The following L3MBTL4 variants were observed in gnomAD, a reference collection of about 807,000 sequenced individuals.
L3MBTL4 encodes the protein L3MBTL histone methyl-lysine binding protein 4, also known as lethal(3)malignant brain tumor-like protein 4.
Under a neutral mutation model 84.5 loss-of-function variants are expected in L3MBTL4, and 70 were observed. The observed-to-expected ratio is 0.83, with a 90% CI of 0.68 to 1.01. The LOEUF is 1.01. Among genes scored for constraint, L3MBTL4 ranks in the 50% least tolerant of loss-of-function variants. The probability of loss-of-function intolerance (pLI) is 0.00; values close to 1 mark genes in which losing one functional copy is unlikely to be tolerated. For missense variants in L3MBTL4, 715 were observed against 754.8 expected (o/e 0.95, Z 0.62); for synonymous variants, 274 against 259.8 (o/e 1.05, Z -0.52).
chr18:6,033,014 T>C (rs573875634), intron 16 of L3MBTL4, among the ~76,000 whole-genome samples: 198 of 152,338 alleles, frequency 1.3e-3, no homozygotes, highest in Middle Eastern at 3.4e-3. Flanking sequence ...GGTAGTGTCC[T>C]GTATGTATCG....
intron 16 of L3MBTL4, among the ~76,000 whole-genome samples, chr18:6,000,147 C>A (rs761766106): frequency 4.7e-4 from 72 of 152,052 alleles, no homozygotes; most frequent in Admixed American, 4.7e-3. Context: ...TATAAAGATG[C>A]CATGAGAAAA....
chr18:6,370,163 T>G (rs1405335279), intron 1 of L3MBTL4, among the ~76,000 whole-genome samples: 1 of 148,894 alleles, frequency 6.7e-6, no homozygotes, highest in South Asian at 2.1e-4. Context: ...AAGAAAGCAC[T>G]GACCTGGCTT....
intron 16 of L3MBTL4, among the ~76,000 whole-genome samples, chr18:6,078,348 A>G (rs905004720): frequency 2.1e-5 from 3 of 145,914 alleles, no homozygotes; most frequent in Non-Finnish European, 4.5e-5. Context: ...AATCACTTGA[A>G]CCCAGGAAGT....
At chr18:6,067,893 G>A (rs952996405) in intron 16 of L3MBTL4, among the ~76,000 whole-genome samples, 5 of 151,990 alleles carry the variant, frequency 3.3e-5, no homozygotes, top group Non-Finnish European at 5.9e-5. Context: ...TACTTTTCTG[G>A]TTTCTTCTTA....
chr18:6,304,354 C>T (rs934436571), intron 3 of L3MBTL4, among the ~76,000 whole-genome samples: 4 of 152,188 alleles, frequency 2.6e-5, no homozygotes, highest in African/African-American at 9.6e-5. Flanking sequence ...TGCTTTTCTG[C>T]CTGGTAGATT....
chr18:6,122,393 G>A (rs1237638902), intron 14 of L3MBTL4, among the ~76,000 whole-genome samples: 3 of 152,198 alleles, frequency 2.0e-5, no homozygotes, highest in African/African-American at 7.2e-5. Context: ...ATTCCCACAT[G>A]TTGTGGGAGG....
At chr18:5,974,610 G>C (rs766175672) in intron 16 of L3MBTL4, among the ~76,000 whole-genome samples, 2 of 152,130 alleles carry the variant, frequency 1.3e-5, no homozygotes, top group Non-Finnish European at 2.9e-5. Context: ...CCAGTGAAAC[G>C]ACCAAACAGA....
intron 5 of L3MBTL4, among the ~76,000 whole-genome samples, chr18:6,255,171 AAAC>A: frequency 6.6e-6 from 1 of 152,358 alleles, no homozygotes; most frequent in East Asian, 1.9e-4. Context: ...TCCTTTAACT[AAAC>A]AAGAAGTCGT....
At chr18:6,171,240 G>A (rs1290422384) in intron 13 of L3MBTL4, among the ~76,000 whole-genome samples, 1 of 152,190 alleles carries the variant, frequency 6.6e-6, no homozygotes, top group Non-Finnish European at 1.5e-5. Context: ...TATTAGTCAT[G>A]TCAGCCTAAT....
At chr18:6,119,144 G>C (rs2059450780) in intron 14 of L3MBTL4, among the ~76,000 whole-genome samples, 1 of 151,934 alleles carries the variant, frequency 6.6e-6, no homozygotes, top group Admixed American at 6.6e-5. Flanking sequence ...ATCATACCAA[G>C]TTACAGGTAG....
chr18:6,211,419 T>C (rs1424838177), intron 12 of L3MBTL4, among the ~76,000 whole-genome samples: 1 of 152,068 alleles, frequency 6.6e-6, no homozygotes, highest in African/African-American at 2.4e-5. Flanking sequence ...AATTAGAGAA[T>C]AACAGAACAA....
At chr18:6,242,265 C>T (rs184241576) in intron 7 of L3MBTL4, among the ~76,000 whole-genome samples, 45 of 152,294 alleles carry the variant, frequency 3.0e-4, no homozygotes, top group African/African-American at 1.1e-3. Flanking sequence ...CTGTTCTTCC[C>T]TTGGAGGGCT....
chr18:6,178,118 A>T (rs2145302063), intron 12 of L3MBTL4, among the ~76,000 whole-genome samples: 1 of 151,874 alleles, frequency 6.6e-6, no homozygotes, highest in South Asian at 2.1e-4. Context: ...ATCTTTTTCA[A>T]TTTTTTTTGA....
intron 1 of L3MBTL4, among the ~76,000 whole-genome samples, chr18:6,355,890 T>A (rs755842166): frequency 6.6e-6 from 1 of 151,126 alleles, no homozygotes; most frequent in Non-Finnish European, 1.5e-5. Context: ...TAGTACCATG[T>A]GCACGATAAG....
In L3MBTL4 at chr18:5,964,828, A is replaced by G. The variant is rs114846320; in HGVS notation, c.1614+4565T>C. ...GTGTGCCTACACATATATACCTGGC[A>G]GAATCAGGGAACAGACTACATAAAA... On this transcript the variant is annotated intron_variant, in intron 17 of 18. Coordinates refer to ENST00000317931, the MANE Select transcript of L3MBTL4 (RefSeq NM_001330559.2). Among the ~76,000 whole-genome samples, 473 of 152,348 alleles carry G rather than the reference A, an allele frequency of 3.1e-3. 3 individuals carry two copies. The highest frequency in any genetic ancestry group is 0.011 in the African/African-American group (460 of 41,582).
chr18:6,139,439 C>G (rs2144655336), intron 13 of L3MBTL4, among the ~76,000 whole-genome samples: 1 of 152,136 alleles, frequency 6.6e-6, no homozygotes, highest in African/African-American at 2.4e-5. Flanking sequence ...AGTAGCAAAA[C>G]CTCCATGCCC....
At chr18:6,046,688 A>T in intron 16 of L3MBTL4, 1 of 755,746 alleles carries the variant, frequency 1.3e-6, no homozygotes, top group Non-Finnish European at 2.4e-6. Context: ...AGAAGTAAAA[A>T]AAAGTCTTTG....
intron 16 of L3MBTL4, among the ~76,000 whole-genome samples, chr18:5,983,753 C>T (rs1353267031): frequency 2.0e-5 from 3 of 152,148 alleles, no homozygotes; most frequent in Non-Finnish European, 2.9e-5. Flanking sequence ...TAGGTGACCC[C>T]TCCCACTTCC....
chr18:6,384,739 A>C (rs2144411019), intron 1 of L3MBTL4, among the ~76,000 whole-genome samples: 1 of 152,306 alleles, frequency 6.6e-6, no homozygotes, highest in Non-Finnish European at 1.5e-5. Flanking sequence ...TAGTTAATAA[A>C]AGGATGACTT....
Sources: gnomAD v4.1 joint callset for allele counts (sites outside exome capture counted in the v4.1 genomes callset) on GRCh38, gnomAD v4.1.1 for gene constraint, MANE v1.5 for transcripts, NCBI Gene and HGNC (gene_info 2026-07-23, HGNC 2026-07-21) for gene names.